Variants in DAG1 observed in about 807,000 individuals in gnomAD.
DAG1 encodes dystroglycan 1, also known as dystroglycan 1 (dystrophin-associated glycoprotein 1).
Under a neutral mutation model 46.1 loss-of-function variants are expected in DAG1, and 8 were observed. That is an observed-to-expected ratio of 0.17 (90% confidence interval 0.10 to 0.31). The LOEUF (loss-of-function observed/expected upper bound fraction) is 0.31, where lower values mean the gene tolerates loss of function less well. Ranked by LOEUF, DAG1 falls within the 10% of genes least tolerant of loss-of-function variation. DAG1 has a pLI of 1.00. For missense variants in DAG1, 1,003 were observed against 1,189.9 expected, an observed-to-expected ratio of 0.84 and a Z score of 2.31; for synonymous variants, 495 against 481.8, an observed-to-expected ratio of 1.03 and a Z score of -0.36.
chr3:49,525,857 C>T (rs1198636373), intron 2 of DAG1, among the ~76,000 whole-genome samples: 1 of 138,588 alleles, frequency 7.2e-6, no homozygotes, highest in African/African-American at 2.7e-5. Flanking sequence ...CGCGCTCGGC[C>T]TTTTTTTTTT....
intron 1 of DAG1, among the ~76,000 whole-genome samples, chr3:49,487,689 A>ATTTTTT (rs1483239639): frequency 2.9e-5 from 3 of 103,860 alleles, no homozygotes; most frequent in African/African-American, 1.1e-4. Context: ...AGCCCCATAC[A>ATTTTTT]TTCTTTTTTT....
Position 49,532,740 on chromosome 3 carries a change from G to A in DAG1, c.2229G>A (p.Lys743=), listed in dbSNP as rs1312624419. Residue 743 remains lysine (K), a synonymous_variant, in exon 3 of 3, where the codon AAG becomes AAA. Coordinates refer to ENST00000308775, the MANE Select transcript of DAG1 (RefSeq NM_004393.6). The surrounding 1 kb of genome is among the most constrained non-coding windows in gnomAD (Gnocchi z 5.4). ...AAGTGCCTGACAGGGACCCTGAGAA[G>A]AGCAGTGAGGATGATGTCTACCTGC... ...PTEVPDRDPE[K]SSEDDVYLHT... 6.2e-7 allele frequency: 1 copy of A among 1,614,170 alleles called. No homozygotes were observed. Among genetic ancestry groups the A allele is most frequent in the Admixed American group, 1.7e-5 (1 of 60,034 alleles).
chr3:49,491,218 G>A (rs1294110837), intron 1 of DAG1, among the ~76,000 whole-genome samples: 6 of 151,068 alleles, frequency 4.0e-5, no homozygotes, highest in Admixed American at 1.3e-4. Context: ...CTATGTTGCC[G>A]GGGCTGGTCT....
At chr3:49,478,709 C>T (rs2049770182) in intron 1 of DAG1, among the ~76,000 whole-genome samples, 1 of 149,274 alleles carries the variant, frequency 6.7e-6, no homozygotes. Flanking sequence ...GCTTTCATCA[C>T]AGCAAATCAC....
At chr3:49,481,130 C>T (rs1016876973) in intron 1 of DAG1, among the ~76,000 whole-genome samples, 10 of 148,320 alleles carry the variant, frequency 6.7e-5, no homozygotes, top group African/African-American at 2.0e-4. Context: ...TGGCTTACGC[C>T]TGTAATCCCA....
rs552488456 is a variant in DAG1, at chr3:49,495,837, T to G, written c.-116-14582T>G. ...CAGGAGGCTGAGGCAGGAGAATTGC[T>G]TGAACCCGGAAGGCAGAGTTTGCAG... On this transcript the variant is annotated intron_variant, in intron 1 of 2. Coordinates refer to ENST00000308775, the MANE Select transcript of DAG1 (RefSeq NM_004393.6). Among the ~76,000 whole-genome samples the G allele has an allele frequency of 4.8e-3, 730 of 152,166 alleles. 8 individuals are homozygous for G. Among genetic ancestry groups the G allele is most frequent in the African/African-American group, 0.017 (688 of 41,524 alleles).
At chr3:49,480,573 G>A (rs2049849456) in intron 1 of DAG1, among the ~76,000 whole-genome samples, 1 of 147,284 alleles carries the variant, frequency 6.8e-6, no homozygotes, top group Admixed American at 6.8e-5. Flanking sequence ...GATTACAGGC[G>A]TGAGCCACTG....
At chr3:49,524,210 G>A (rs576328091) in intron 2 of DAG1, among the ~76,000 whole-genome samples, 2 of 152,186 alleles carry the variant, frequency 1.3e-5, no homozygotes. Context: ...GGGGCTCCTA[G>A]TGGAATCCTT....
At chr3:49,478,810 T>C (rs1188002054) in intron 1 of DAG1, among the ~76,000 whole-genome samples, 2 of 46,242 alleles carry the variant, frequency 4.3e-5, no homozygotes, top group East Asian at 0.013. Flanking sequence ...CCCTTTTTTT[T>C]TTTTTTTTTT....
At position 49,535,037 on chromosome 3, in the gene DAG1, C is replaced by G. The variant is rs1354562000; in HGVS notation, c.*1838C>G. The G allele has an allele frequency of 6.6e-6, 1 of 152,372 alleles. No individual in the cohort carries two copies. The highest frequency in any genetic ancestry group is 6.5e-5 in the Admixed American group (1 of 15,284). The allele number at this position is 152,372 out of a possible 1,614,324, so 9.4% of individuals were successfully genotyped here. On this transcript the variant is annotated 3_prime_UTR_variant, in exon 3 of 3. Coordinates refer to ENST00000308775, the MANE Select transcript of DAG1 (RefSeq NM_004393.6). ...CCCCTTGCGCCTTCTCCCACAGGGC[C>G]CAGCCCCTCTCCCCTGCCCCAGTCC...
intron 1 of DAG1, among the ~76,000 whole-genome samples, chr3:49,482,497 G>A (rs189140697): frequency 1.3e-5 from 2 of 152,282 alleles, no homozygotes; most frequent in Non-Finnish European, 2.9e-5. Context: ...GGGGGGAGGC[G>A]AGACATGTTT....
At chr3:49,510,888 C>T (rs1053199626) in intron 2 of DAG1, 69 bp downstream of exon 2, 1 of 1,577,486 alleles carries the variant, frequency 6.3e-7, no homozygotes. Flanking sequence ...GTGGCTTTTC[C>T]TTTTCAAGTC....
At position 49,510,576 on chromosome 3, in the gene DAG1, G is replaced by T. The variant is rs770996993; in HGVS notation, c.42G>T (p.Ser14=). 2 of 1,613,838 alleles carry T rather than the reference G, an allele frequency of 1.2e-6. No individual in the cohort carries two copies. Among genetic ancestry groups the T allele is most frequent in the East Asian group, 4.5e-5 (2 of 44,874 alleles). The part of the protein sequence containing the change: ...SVGLSLLLPL[S]GRTFLLLLSV... ...GCCTCTCGCTGCTGCTGCCCCTCTC[G>T]GGGAGGACCTTTCTCCTCCTGCTCT... The change falls in exon 2 of 3, where the codon TCG becomes TCT. Residue 14 remains serine, a synonymous_variant. Transcript: ENST00000308775.
chr3:49,523,753 A>G (rs1050878452), intron 2 of DAG1, among the ~76,000 whole-genome samples: 2 of 152,156 alleles, frequency 1.3e-5, no homozygotes, highest in African/African-American at 4.8e-5. Context: ...CTCAGAGCCC[A>G]TGGGAGCCAT....
At chr3:49,515,296 T>C (rs1227592471) in intron 2 of DAG1, among the ~76,000 whole-genome samples, 1 of 151,664 alleles carries the variant, frequency 6.6e-6, no homozygotes, top group East Asian at 1.9e-4. Flanking sequence ...TTAACATTTT[T>C]CATTCACTGT....
intron 1 of DAG1, among the ~76,000 whole-genome samples, chr3:49,475,738 C>A (rs1333461673): frequency 4.7e-5 from 7 of 150,160 alleles, no homozygotes; most frequent in African/African-American, 1.2e-4. Context: ...GCTCTGTCAC[C>A]CAGGCTGGAG....
At chr3:49,473,918 CTG>C (rs1044047493) in intron 1 of DAG1, among the ~76,000 whole-genome samples, 2 of 149,216 alleles carry the variant, frequency 1.3e-5, no homozygotes, top group African/African-American at 5.0e-5. Context: ...GAGTCTCACT[CTG>C]TTATCCAGGC....
At chr3:49,515,681 A>G (rs1202015365) in intron 2 of DAG1, among the ~76,000 whole-genome samples, 1 of 152,036 alleles carries the variant, frequency 6.6e-6, no homozygotes, top group Admixed American at 6.6e-5. Flanking sequence ...CATCACGCCC[A>G]GCCTGCCCAC....
intron 2 of DAG1, among the ~76,000 whole-genome samples, chr3:49,525,703 C>T (rs1196428398): frequency 2.0e-5 from 3 of 151,670 alleles, no homozygotes; most frequent in African/African-American, 4.8e-5. Flanking sequence ...GGACTACAGG[C>T]GCCCGCCACC....
Sources: gnomAD v4.1 joint callset for allele counts (sites outside exome capture counted in the v4.1 genomes callset) on GRCh38, gnomAD v4.1.1 for gene constraint, Gnocchi (gnomAD v3.1) non-coding constraint, MANE v1.5 for transcripts, NCBI Gene and HGNC (gene_info 2026-07-23, HGNC 2026-07-21) for gene names.